The following C19orf38 variants were observed in gnomAD, a reference collection of about 807,000 sequenced individuals.
C19orf38 encodes the protein protein HIDE1.
In C19orf38, 14 loss-of-function variants were observed where a neutral mutation model predicts 26.6. That is an observed-to-expected ratio of 0.53 (90% CI 0.35 to 0.82). The LOEUF (loss-of-function observed/expected upper bound fraction) is 0.82, where lower values mean the gene tolerates loss of function less well. Among genes scored for constraint, C19orf38 ranks in the 40% least tolerant of loss-of-function variants. C19orf38 has a pLI of 0.01. For synonymous variants in C19orf38, 132 were observed against 128.5 expected (o/e 1.03, Z -0.18); for missense variants, 261 against 299.5 (o/e 0.87, Z 0.95).
At chr19:10,864,483 A>G (rs984124312) in intron 6 of C19orf38, among the ~76,000 whole-genome samples, 4 of 152,234 alleles carry the variant, frequency 2.6e-5, no homozygotes, top group African/African-American at 9.6e-5. Context: ...GAGGAGTCGA[A>G]GGGGACCCCA....
chr19:10,851,460 C>A (rs1473577885), intron 2 of C19orf38, among the ~76,000 whole-genome samples: 3 of 152,000 alleles, frequency 2.0e-5, no homozygotes, highest in Non-Finnish European at 4.4e-5. Flanking sequence ...CCCACCTCAG[C>A]CTCCTAAGTA....
intron 5 of C19orf38, among the ~76,000 whole-genome samples, chr19:10,862,960 C>T (rs1268890387): frequency 1.3e-5 from 2 of 152,014 alleles, no homozygotes; most frequent in Non-Finnish European, 2.9e-5. Flanking sequence ...GAGAGATACC[C>T]CTAGGAAGAC....
At chr19:10,837,120 G>A (rs923807902) in intron 1 of C19orf38, among the ~76,000 whole-genome samples, 1 of 152,216 alleles carries the variant, frequency 6.6e-6, no homozygotes, top group Admixed American at 6.5e-5. Context: ...ACGCTACTGG[G>A]CTGTCTTTAG....
intron 2 of C19orf38, among the ~76,000 whole-genome samples, chr19:10,853,174 C>T (rs951219276): frequency 2.0e-5 from 3 of 151,798 alleles, no homozygotes; most frequent in Non-Finnish European, 4.4e-5. Flanking sequence ...TCAATCTTCC[C>T]TTCTCAGTCT....
chr19:10,850,620 A>ACCT, intron 2 of C19orf38, 53 bp downstream of exon 2: 6 of 1,515,950 alleles, frequency 4.0e-6, no homozygotes, highest in Non-Finnish European at 5.4e-6. Context: ...TCTCACATGG[A>ACCT]CCTCTTGTGT....
At chr19:10,852,768 C>G (rs775309297) in intron 2 of C19orf38, among the ~76,000 whole-genome samples, 39 of 152,040 alleles carry the variant, frequency 2.6e-4, no homozygotes, top group Admixed American at 2.0e-4. Flanking sequence ...TTGTAGACCA[C>G]AGCAAGGATT....
chr19:10,847,611 T>C (rs1460187615), upstream of C19orf38, among the ~76,000 whole-genome samples: 1 of 151,360 alleles, frequency 6.6e-6, no homozygotes, highest in Non-Finnish European at 1.5e-5. Context: ...TCAGGTGATC[T>C]GCCCACCTCA....
At chr19:10,844,826 C>G (rs140055215), upstream of C19orf38, among the ~76,000 whole-genome samples, 2 of 131,332 alleles carry the variant, frequency 1.5e-5, no homozygotes, top group African/African-American at 2.9e-5. Flanking sequence ...CCAGCCTGGG[C>G]GACAGAGCGA....
At chr19:10,844,145 G>A (rs1375231256), upstream of C19orf38, among the ~76,000 whole-genome samples, 2 of 151,636 alleles carry the variant, frequency 1.3e-5, no homozygotes, top group African/African-American at 2.4e-5. Context: ...GGTGGCTCAC[G>A]CCTGTAATCC....
intron 1 of C19orf38, among the ~76,000 whole-genome samples, chr19:10,837,353 G>T (rs751128842): frequency 1.2e-4 from 18 of 152,030 alleles, no homozygotes; most frequent in Non-Finnish European, 2.2e-4. Flanking sequence ...GGAGAATTTG[G>T]GGAAGTAGCT....
At position 10,848,551 on chromosome 19, in the gene C19orf38, G is replaced by A; in HGVS notation, c.31+12G>A. Reference sequence around the variant, plus strand: ...GCTCTTTGCAGCTGGTGAGTCTGAAGCCCCCCTCTCAGATCCCCCACGCCT... The same window carrying A: ...GCTCTTTGCAGCTGGTGAGTCTGAAACCCCCCTCTCAGATCCCCCACGCCT... On this transcript the variant is annotated intron_variant, in intron 1 of 6. Coordinates refer to ENST00000397820, the MANE Select transcript of C19orf38 (RefSeq NM_001136482.3). The A allele has an allele frequency of 6.4e-7, 1 of 1,550,820 alleles. No individual in the cohort carries two copies. The highest frequency in any genetic ancestry group is 1.2e-5 in the South Asian group (1 of 84,022).
chr19:10,847,296 C>A (rs1224359311), upstream of C19orf38, among the ~76,000 whole-genome samples: 1 of 151,814 alleles, frequency 6.6e-6, no homozygotes, highest in Non-Finnish European at 1.5e-5. Flanking sequence ...TGTAACTTTA[C>A]CTTGTGAGCA....
chr19:10,853,593 A>AT (rs1386254257), intron 2 of C19orf38, among the ~76,000 whole-genome samples: 1,159 of 112,294 alleles, frequency 0.01, 6 homozygotes, highest in Middle Eastern at 0.038. Context: ...GCTCCCCCCA[A>AT]TTTTTTTTTT....
chr19:10,849,501 T>TA (rs2073547291), intron 1 of C19orf38, among the ~76,000 whole-genome samples: 2 of 152,066 alleles, frequency 1.3e-5, no homozygotes. Flanking sequence ...GGCAACATAG[T>TA]GAGATCCCAT....
chr19:10,861,510 T>G (rs1434715806), intron 5 of C19orf38, among the ~76,000 whole-genome samples: 2 of 152,096 alleles, frequency 1.3e-5, no homozygotes, highest in African/African-American at 2.4e-5. Context: ...CATTCTCCAA[T>G]GGGAAACAGC....
At chr19:10,846,450 T>C (rs111598777), upstream of C19orf38, among the ~76,000 whole-genome samples, 20 of 152,116 alleles carry the variant, frequency 1.3e-4, no homozygotes, top group African/African-American at 4.8e-4. Flanking sequence ...TGGTGAAGTT[T>C]AAATTTAAAA....
intron 1 of C19orf38, chr19:10,842,385 C>T (rs966747606): frequency 3.1e-5 from 16 of 521,810 alleles, no homozygotes; most frequent in South Asian, 4.2e-5. Flanking sequence ...CTCAGCCTCC[C>T]GAGTAGCTGG....
At chr19:10,847,483 C>T (rs544133757), upstream of C19orf38, among the ~76,000 whole-genome samples, 34 of 151,348 alleles carry the variant, frequency 2.2e-4, no homozygotes, top group African/African-American at 7.8e-4. Flanking sequence ...AAGTGATTCT[C>T]CTGCCTCAGC....
chr19:10,849,291 G>A (rs1320459119), intron 1 of C19orf38, among the ~76,000 whole-genome samples: 1 of 152,136 alleles, frequency 6.6e-6, no homozygotes, highest in African/African-American at 2.4e-5. Context: ...AAAGTGCTGG[G>A]ATTACAGGCG....
Sources: allele counts gnomAD v4.1 joint callset (sites outside exome capture counted in the v4.1 genomes callset), GRCh38; gene constraint gnomAD v4.1.1; transcripts MANE v1.5; gene names NCBI Gene and HGNC (gene_info 2026-07-23, HGNC 2026-07-21).